LRP1B: variants seen among roughly 807,000 people sequenced by gnomAD.
The protein encoded by LRP1B is LDL receptor related protein 1B.
In LRP1B, 217 loss-of-function variants were observed where a neutral mutation model predicts 556.6. The observed-to-expected ratio is 0.39, with a 90% CI of 0.35 to 0.44. The LOEUF is 0.44. LRP1B is among the 20% of genes least tolerant of loss of function. LRP1B has a pLI of 1.00. For missense variants in LRP1B, 5,053 were observed against 5,620.8 expected, an observed-to-expected ratio of 0.90 and a Z score of 3.23; for synonymous variants, 2,047 against 1,865.8, an observed-to-expected ratio of 1.10 and a Z score of -2.50.
intron 41 of LRP1B, among the ~76,000 whole-genome samples, chr2:140,608,771 G>A (rs1682961770): frequency 6.6e-6 from 1 of 152,196 alleles, no homozygotes; most frequent in Admixed American, 6.5e-5. Context: ...AATTTGCCCT[G>A]AAAGAGTATT....
At chr2:140,573,295 A>T (rs1237709267) in intron 43 of LRP1B, among the ~76,000 whole-genome samples, 1 of 151,900 alleles carries the variant, frequency 6.6e-6, no homozygotes, top group African/African-American at 2.4e-5. Context: ...ATAAAATCCA[A>T]AAAGTAGTAA....
chr2:141,912,110 A>C (rs1279945258), intron 1 of LRP1B, among the ~76,000 whole-genome samples: 1 of 152,166 alleles, frequency 6.6e-6, no homozygotes, highest in Non-Finnish European at 1.5e-5. Flanking sequence ...TAAGATAATG[A>C]CTTCAACTCT....
rs1167789770 is a variant in LRP1B, at chr2:141,469,388, C to A, written c.343+11008G>T. Among the ~76,000 whole-genome samples, 8 of 152,192 alleles carry A rather than the reference C, an allele frequency of 5.3e-5. No individual in the cohort carries two copies. In the East Asian group the frequency reaches 1.5e-3, roughly 29 times the overall value. ...TTTTAGTTCATTTGTGCTGTTATAA[C>A]AAAATACCAGAGGCTTGGTAGCTTA... On this transcript the variant is annotated intron_variant, in intron 3 of 90. Transcript: ENST00000389484.
At chr2:141,853,991 T>C (rs1368881632) in intron 1 of LRP1B, among the ~76,000 whole-genome samples, 1 of 151,980 alleles carries the variant, frequency 6.6e-6, no homozygotes, top group Admixed American at 6.6e-5. Context: ...ATGATTACCT[T>C]AATTAAAAAA....
chr2:141,811,648 G>A (rs548518727), intron 1 of LRP1B, among the ~76,000 whole-genome samples: 32 of 151,986 alleles, frequency 2.1e-4, no homozygotes, highest in Non-Finnish European at 3.8e-4. Flanking sequence ...TAGCTATTTC[G>A]TGACAACTCA....
chr2:141,552,401 C>A (rs1300847176), intron 2 of LRP1B, among the ~76,000 whole-genome samples: 2 of 151,962 alleles, frequency 1.3e-5, no homozygotes, highest in South Asian at 4.1e-4. Context: ...TTGTATGAAT[C>A]TACTATAGCT....
chr2:140,397,823 T>G (rs1316658839), intron 66 of LRP1B, among the ~76,000 whole-genome samples: 1 of 152,200 alleles, frequency 6.6e-6, no homozygotes, highest in Non-Finnish European at 1.5e-5. Flanking sequence ...TGTGGATACC[T>G]GCTTCAAAAG....
At chr2:140,570,137 A>G (rs1681269629) in intron 43 of LRP1B, among the ~76,000 whole-genome samples, 1 of 151,808 alleles carries the variant, frequency 6.6e-6, no homozygotes, top group Non-Finnish European at 1.5e-5. Flanking sequence ...TAAAAGCAAG[A>G]GTAAACAAAA....
intron 17 of LRP1B, among the ~76,000 whole-genome samples, chr2:140,985,941 A>G (rs138792387): frequency 8.0e-4 from 121 of 151,500 alleles, no homozygotes; most frequent in African/African-American, 2.8e-3. Context: ...TCTCAATCAC[A>G]TTTCCCTCCC....
At chr2:142,046,624 C>T (rs968855588) in intron 1 of LRP1B, among the ~76,000 whole-genome samples, 4 of 151,880 alleles carry the variant, frequency 2.6e-5, no homozygotes, top group African/African-American at 9.7e-5. Context: ...CCTAGAAATG[C>T]CTGGCACATT....
intron 77 of LRP1B, among the ~76,000 whole-genome samples, chr2:140,338,622 A>T (rs1207002056): frequency 2.0e-5 from 3 of 151,736 alleles, no homozygotes; most frequent in African/African-American, 7.2e-5. Flanking sequence ...TCACTGGAAG[A>T]TGAAAGGCAG....
intron 1 of LRP1B, among the ~76,000 whole-genome samples, chr2:142,058,212 T>C (rs1403974924): frequency 6.6e-6 from 1 of 152,142 alleles, no homozygotes; most frequent in African/African-American, 2.4e-5. Flanking sequence ...CCAGCTGTTC[T>C]GCCCCACTGA....
chr2:141,583,906 ATT>A (rs113916906), intron 2 of LRP1B, among the ~76,000 whole-genome samples: 2 of 145,460 alleles, frequency 1.4e-5, no homozygotes. Flanking sequence ...TGCCCGGCTA[ATT>A]TTTTTTTTTT....
intron 2 of LRP1B, among the ~76,000 whole-genome samples, chr2:141,658,740 TATC>T (rs749953197): frequency 3.9e-5 from 6 of 152,160 alleles, no homozygotes; most frequent in Admixed American, 2.0e-4. Context: ...ATCAAAATCT[TATC>T]ATTGTTTGTT....
chr2:141,104,860 G>T (rs79235398), intron 7 of LRP1B, among the ~76,000 whole-genome samples: 9,011 of 151,892 alleles, frequency 0.059, 350 homozygotes, highest in South Asian at 0.11. Context: ...TCGTTAATAT[G>T]ATTATTGAGT....
intron 7 of LRP1B, among the ~76,000 whole-genome samples, chr2:141,069,045 T>G (rs1699561590): frequency 6.6e-6 from 1 of 152,004 alleles, no homozygotes. Flanking sequence ...GAGCAGCAAT[T>G]TAGAAAAATT....
At chr2:140,988,979 C>T (rs1363518759) in intron 17 of LRP1B, among the ~76,000 whole-genome samples, 1 of 151,856 alleles carries the variant, frequency 6.6e-6, no homozygotes, top group African/African-American at 2.4e-5. Context: ...TATTTCCATT[C>T]AATGAGAATC....
At chr2:141,791,388 C>T (rs900475794) in intron 2 of LRP1B, among the ~76,000 whole-genome samples, 2 of 151,974 alleles carry the variant, frequency 1.3e-5, no homozygotes, top group East Asian at 3.9e-4. Flanking sequence ...TACACACACA[C>T]ACAACCTGGG....
chr2:141,476,252 T>C lies in LRP1B; in HGVS notation c.343+4144A>G, dbSNP rs184862777. Among the ~76,000 whole-genome samples the C allele has an allele frequency of 3.5e-3, 528 of 152,296 alleles. 6 individuals are homozygous for C. The highest frequency in any genetic ancestry group is 0.012 in the African/African-American group (515 of 41,566). On this transcript the variant is annotated intron_variant, in intron 3 of 90. Transcript: ENST00000389484. ...CCTGTTTCATTAACATAATAAATTA[T>C]CTTAAGAATGTCAAATTTTAAAACA...
Sources: allele counts gnomAD v4.1 joint callset (sites outside exome capture counted in the v4.1 genomes callset), GRCh38; gene constraint gnomAD v4.1.1; transcripts MANE v1.5; gene names NCBI Gene and HGNC (gene_info 2026-07-23, HGNC 2026-07-21).